The following OPRM1 variants were observed in gnomAD, a reference collection of about 807,000 sequenced individuals.
OPRM1 encodes opioid receptor mu 1, also known as mu-type opioid receptor.
OPRM1 carries 27 observed loss-of-function variants against 31.8 expected under a neutral mutation model. The observed-to-expected ratio is 0.85, with a 90% CI of 0.63 to 1.17. OPRM1 has a LOEUF of 1.17. Ranked by LOEUF, OPRM1 falls within the 50% of genes most tolerant of loss-of-function variation. OPRM1 has a pLI of 0.00. For synonymous variants in OPRM1, 196 were observed against 189.9 expected (o/e 1.03, Z -0.26); for missense variants, 536 against 511.1 (o/e 1.05, Z -0.47).
intron 3 of OPRM1, among the ~76,000 whole-genome samples, chr6:154,209,217 C>A (rs1777756468): frequency 6.6e-6 from 1 of 152,044 alleles, no homozygotes; most frequent in African/African-American, 2.4e-5. Context: ...TTCATTATCA[C>A]AAAATGGAAG....
chr6:154,154,375 A>G (rs1227488907), intron 3 of OPRM1: 1 of 152,254 alleles, frequency 6.6e-6, no homozygotes, highest in African/African-American at 2.4e-5. Context: ...AAGTAATACA[A>G]TGTGCAAGTC....
At chr6:154,012,048 T>G (rs9478496) in intron 1 of OPRM1, among the ~76,000 whole-genome samples, 1 of 152,022 alleles carries the variant, frequency 6.6e-6, no homozygotes, top group African/African-American at 2.4e-5. Flanking sequence ...ATGATGAGAC[T>G]AAATCAATAA....
In OPRM1 at chr6:154,091,206, A is replaced by G; in HGVS notation, c.898A>G (p.Ile300Val). The G allele has an allele frequency of 2.5e-6, 4 of 1,614,116 alleles. No individual in the cohort carries two copies. The highest frequency in any genetic ancestry group is 2.2e-5 in the South Asian group (2 of 91,084). The change falls in exon 3 of 4, where the codon ATT (isoleucine) becomes GTT (valine). Residue 300 changes from isoleucine to valine, a missense_variant. Coordinates refer to ENST00000330432, the MANE Select transcript of OPRM1 (RefSeq NM_000914.5). ...VFIVCWTPIH[I>V]YVIIKALVTI... Reference sequence around the variant, plus strand: ...CATCGTCTGCTGGACTCCCATTCACATTTACGTCATCATTAAAGCCTTGGT... The same window carrying G: ...CATCGTCTGCTGGACTCCCATTCACGTTTACGTCATCATTAAAGCCTTGGT...
chr6:154,123,332 A>C lies in OPRM1; in HGVS notation c.*4611A>C, dbSNP rs1357778825. Among the ~76,000 whole-genome samples the C allele has an allele frequency of 6.6e-6, 1 of 152,194 alleles. No homozygotes were observed. The highest frequency in any genetic ancestry group is 1.5e-5 in the Non-Finnish European group (1 of 68,036). On this transcript the variant is annotated 3_prime_UTR_variant, in exon 4 of 4. Transcript: ENST00000330432. ...GGAGGAAACTTTTTCCTGGGAGCCCACTAATCACACAGTGAACAAAAGGCT... is the reference window on the plus strand; with the variant it reads ...GGAGGAAACTTTTTCCTGGGAGCCCCCTAATCACACAGTGAACAAAAGGCT...
intron 3 of OPRM1, among the ~76,000 whole-genome samples, chr6:154,213,551 A>G (rs577899691): frequency 3.3e-5 from 5 of 152,288 alleles, no homozygotes; most frequent in Non-Finnish European, 7.4e-5. Flanking sequence ...AACTAACTCT[A>G]AGATTTTATG....
intron 3 of OPRM1, among the ~76,000 whole-genome samples, chr6:154,189,505 C>T (rs1009558419): frequency 3.9e-5 from 6 of 151,978 alleles, no homozygotes; most frequent in African/African-American, 1.2e-4. Context: ...AAATAAAGGA[C>T]TTAATAAATA....
chr6:154,084,782 T>C (rs1027575799), intron 1 of OPRM1, among the ~76,000 whole-genome samples: 2 of 152,096 alleles, frequency 1.3e-5, no homozygotes, highest in African/African-American at 2.4e-5. Context: ...TTCTTCACAC[T>C]ACTTGGTAAA....
chr6:154,068,456 G>A (rs1464294767), intron 1 of OPRM1, among the ~76,000 whole-genome samples: 1 of 151,984 alleles, frequency 6.6e-6, no homozygotes, highest in African/African-American at 2.4e-5. Context: ...AAATAATATG[G>A]TATTTGTCTT....
At chr6:154,233,703 G>C (rs1008317061) in intron 3 of OPRM1, among the ~76,000 whole-genome samples, 1 of 152,172 alleles carries the variant, frequency 6.6e-6, no homozygotes, top group Non-Finnish European at 1.5e-5. Context: ...CTGCAGTAAG[G>C]AGATCAGTTA....
At chr6:154,027,288 T>TTTGA (rs1162197259) in intron 1 of OPRM1, among the ~76,000 whole-genome samples, 2 of 151,948 alleles carry the variant, frequency 1.3e-5, no homozygotes, top group Non-Finnish European at 2.9e-5. Flanking sequence ...GTGTTTCTTG[T>TTTGA]TTGTTTGTTT....
chr6:154,090,893 C>T, intron 2 of OPRM1, 59 bp from the exon 3 acceptor site: 4 of 1,493,948 alleles, frequency 2.7e-6, no homozygotes, highest in Non-Finnish European at 3.7e-6. Flanking sequence ...GCAGTATTAA[C>T]ACCTTATGAC....
At chr6:154,152,379 A>G (rs945467944) in intron 3 of OPRM1, among the ~76,000 whole-genome samples, 1 of 150,702 alleles carries the variant, frequency 6.6e-6, no homozygotes, top group South Asian at 2.1e-4. Flanking sequence ...AAAGAAAGAA[A>G]GAAAGAAAGA....
chr6:154,213,777 A>G (rs1237684431), intron 3 of OPRM1, among the ~76,000 whole-genome samples: 1 of 152,192 alleles, frequency 6.6e-6, no homozygotes, highest in African/African-American at 2.4e-5. Context: ...GTGTCCCAGT[A>G]TGACCTTCAG....
intron 1 of OPRM1, among the ~76,000 whole-genome samples, chr6:154,047,857 A>C (rs1781463320): frequency 6.6e-6 from 1 of 152,232 alleles, no homozygotes; most frequent in Non-Finnish European, 1.5e-5. Context: ...TTACTCTTAC[A>C]GTGCTGGAGG....
intron 3 of OPRM1, among the ~76,000 whole-genome samples, chr6:154,205,053 C>T (rs1754507926): frequency 6.6e-6 from 1 of 152,166 alleles, no homozygotes; most frequent in South Asian, 2.1e-4. Context: ...ACTGAAATAT[C>T]ACTTCTTCCA....
chr6:154,182,987 T>C (rs28522375), intron 3 of OPRM1, among the ~76,000 whole-genome samples: 6 of 134,246 alleles, frequency 4.5e-5, no homozygotes, highest in African/African-American at 1.5e-4. Flanking sequence ...CTTTTTTTTT[T>C]CTTTTTTTTT....
At chr6:154,113,976 C>T (rs998733144) in intron 3 of OPRM1, among the ~76,000 whole-genome samples, 6 of 152,160 alleles carry the variant, frequency 3.9e-5, no homozygotes, top group African/African-American at 9.7e-5. Context: ...CAAGGGGTAC[C>T]TCCAGGTGGA....
chr6:154,017,123 C>T (rs1778050084), intron 1 of OPRM1, among the ~76,000 whole-genome samples: 1 of 152,130 alleles, frequency 6.6e-6, no homozygotes, highest in Non-Finnish European at 1.5e-5. Flanking sequence ...ACTAATTTCT[C>T]TCCTCTCTCC....
rs1583491015 is a variant in OPRM1, at chr6:154,091,696, C to T, written c.1164+224C>T. On this transcript the variant is annotated intron_variant, in intron 3 of 3. Transcript: ENST00000330432. ...GTATAAAGATACACCAATGAGAAAT[C>T]CATGAAACTATTCAAAATAACTATT... 13 of 1,294,272 alleles carry T rather than the reference C, an allele frequency of 1.0e-5. No homozygotes were observed. Among genetic ancestry groups the T allele is most frequent in the Non-Finnish European group, 1.3e-5 (13 of 1,024,760 alleles). The allele number at this position is 1,294,272 out of a possible 1,614,324, so 80.2% of individuals were successfully genotyped here. A position where few individuals can be genotyped will look rare whatever the true frequency, so the allele number is the denominator to read the frequency against.
Sources: allele counts gnomAD v4.1 joint callset (sites outside exome capture counted in the v4.1 genomes callset), GRCh38; gene constraint gnomAD v4.1.1; transcripts MANE v1.5; gene names NCBI Gene and HGNC (gene_info 2026-07-23, HGNC 2026-07-21).